The following RETREG3 variants were observed in gnomAD, a reference collection of about 807,000 sequenced individuals.
The protein encoded by RETREG3 is reticulophagy regulator family member 3.
In RETREG3, 23 loss-of-function variants were observed where a neutral mutation model predicts 50.2. The ratio of observed to expected loss-of-function variants is 0.46; its 90% CI spans 0.33 to 0.65. The LOEUF is 0.65. RETREG3 is among the 30% of genes least tolerant of loss of function. The pLI, the probability that RETREG3 is intolerant of heterozygous loss-of-function variation, is 0.02. For synonymous variants in RETREG3, 240 were observed against 234.4 expected (o/e 1.02, Z -0.22); for missense variants, 546 against 598.0 (o/e 0.91, Z 0.91).
rs764971721 is a variant in RETREG3 at position 42,586,185 on chromosome 17, C to T, written c.505-48G>A. On this transcript the variant is annotated intron_variant, in intron 4 of 8. Coordinates refer to ENST00000309428, the MANE Select transcript of RETREG3 (RefSeq NM_178126.4). ...TAAGTTTCTGTCACATGGCAGGGGA[C>T]TGGGGTGGGTGTGAAGGGTTAGGGT... 5.0e-6 allele frequency: 8 copies of T among 1,584,932 alleles called. No individual in the cohort carries two copies. In the African/African-American group the frequency reaches 8.1e-5, roughly 16 times the overall value.
chr17:42,596,832 CTTT>C (rs1229793561), intron 1 of RETREG3, among the ~76,000 whole-genome samples: 1 of 150,420 alleles, frequency 6.6e-6, no homozygotes, highest in African/African-American at 2.4e-5. Flanking sequence ...AACTCTAGTT[CTTT>C]GAGGTGATCT....
At chr17:42,602,438 A>G (rs1445033291) in intron 1 of RETREG3, among the ~76,000 whole-genome samples, 2 of 152,206 alleles carry the variant, frequency 1.3e-5, no homozygotes, top group Non-Finnish European at 2.9e-5. Context: ...TACGACTAAT[A>G]GCCTTATGTA....
intron 3 of RETREG3, 79 bp from the exon 4 acceptor site, chr17:42,586,970 T>G: frequency 6.4e-7 from 1 of 1,573,526 alleles, no homozygotes; most frequent in Non-Finnish European, 8.6e-7. Context: ...AGCCAGTGCT[T>G]CCGGTTTTAA....
In RETREG3 at chr17:42,586,042, G is replaced by A; in HGVS notation, c.589+11C>T. On this transcript the variant is annotated intron_variant, in intron 5 of 8. Coordinates refer to ENST00000309428, the MANE Select transcript of RETREG3 (RefSeq NM_178126.4). ...GGTATACTTTGTAGGGGAGGTATAT[G>A]TCATACTTACGCATCAAGTAGGACA... 1 of 1,613,808 alleles carries A rather than the reference G, an allele frequency of 6.2e-7. No homozygotes were observed. The highest frequency in any genetic ancestry group is 8.5e-7 in the Non-Finnish European group (1 of 1,179,754).
At chr17:42,586,670 T>C in intron 4 of RETREG3, 95 bp downstream of exon 4, 1 of 1,493,654 alleles carries the variant, frequency 6.7e-7, no homozygotes, top group Admixed American at 2.1e-5. Context: ...GTCTTTACTT[T>C]CTTGAATGAA....
At chr17:42,594,728 G>A (rs982431149) in intron 1 of RETREG3, among the ~76,000 whole-genome samples, 1 of 151,574 alleles carries the variant, frequency 6.6e-6, no homozygotes, top group South Asian at 2.1e-4. Flanking sequence ...GCAGGTGCCT[G>A]TAGTCCCAGC....
chr17:42,593,759 A>AT (rs1284253762), intron 1 of RETREG3, among the ~76,000 whole-genome samples: 2 of 151,850 alleles, frequency 1.3e-5, no homozygotes, highest in African/African-American at 4.8e-5. Flanking sequence ...TAAGGTAGTT[A>AT]TTTTTTTCAG....
intron 6 of RETREG3, among the ~76,000 whole-genome samples, 190 bp from the exon 7 acceptor site, chr17:42,583,770 T>C (rs2093115323): frequency 6.6e-6 from 1 of 152,080 alleles, no homozygotes; most frequent in African/African-American, 2.4e-5. Flanking sequence ...CTGGAGAAAA[T>C]ATCTCAGCTT....
At chr17:42,604,883 GT>G (rs2093165017) in intron 1 of RETREG3, among the ~76,000 whole-genome samples, 1 of 151,918 alleles carries the variant, frequency 6.6e-6, no homozygotes. Context: ...TTCTGATCCT[GT>G]CAGGATACAT....
chr17:42,593,457 G>A (rs981927793), intron 1 of RETREG3, among the ~76,000 whole-genome samples: 1 of 151,762 alleles, frequency 6.6e-6, no homozygotes, highest in Non-Finnish European at 1.5e-5. Context: ...AGACCATCCT[G>A]GTTAATATGG....
intron 1 of RETREG3, 97 bp from the exon 2 acceptor site, chr17:42,592,259 T>A (rs558846227): frequency 1.1e-6 from 1 of 938,190 alleles, no homozygotes; most frequent in Non-Finnish European, 1.6e-6. Flanking sequence ...GTAAACAGAC[T>A]TGAGGTCTAG....
At position 42,609,006 on chromosome 17, in the gene RETREG3, C is replaced by G. The variant is rs979775696; in HGVS notation, c.239+80G>C. 1.9e-5 allele frequency: 26 copies of G among 1,401,962 alleles called. 1 individual carries two copies. The highest frequency in any genetic ancestry group is 2.6e-5 in the South Asian group (2 of 77,352). 86.8% of individuals were successfully genotyped at this position (1,401,962 alleles called of 1,614,324 possible). ...GAAGGAGCCAGTGCAGCGAAGAAAACAGGGCAGGCGAGAAGTAGAGCCCTA... is the reference window on the plus strand; with the variant it reads ...GAAGGAGCCAGTGCAGCGAAGAAAAGAGGGCAGGCGAGAAGTAGAGCCCTA... On this transcript the variant is annotated intron_variant, in intron 1 of 8. Coordinates refer to ENST00000309428, the MANE Select transcript of RETREG3 (RefSeq NM_178126.4).
At chr17:42,587,632 T>C in intron 3 of RETREG3, 1 of 585,246 alleles carries the variant, frequency 1.7e-6, no homozygotes, top group Non-Finnish European at 3.0e-6. Context: ...TTTCAGAAAC[T>C]TCTCTTGTAA....
chr17:42,596,073 C>T (rs1292988867), intron 1 of RETREG3, among the ~76,000 whole-genome samples: 1 of 151,602 alleles, frequency 6.6e-6, no homozygotes, highest in African/African-American at 2.4e-5. Context: ...TTATCGTTGC[C>T]GAAAAATGTT....
rs1403798016 is a variant in RETREG3, at chr17:42,581,470, G to A, written c.*343C>T. On this transcript the variant is annotated 3_prime_UTR_variant, in exon 9 of 9. Coordinates refer to ENST00000309428, the MANE Select transcript of RETREG3 (RefSeq NM_178126.4). ...AGGCAGGCATGGGCTCTTTCAGTGA[G>A]GGCCCCTGAGCACTCATACCTAAAA... 2 of 208,668 alleles carry A rather than the reference G, an allele frequency of 9.6e-6. No homozygotes were observed. Among genetic ancestry groups the A allele is most frequent in the Non-Finnish European group, 1.9e-5 (2 of 105,226 alleles). 12.9% of individuals were successfully genotyped at this position (208,668 alleles called of 1,614,324 possible).
chr17:42,598,142 C>T (rs1410606292), intron 1 of RETREG3, among the ~76,000 whole-genome samples: 11 of 151,706 alleles, frequency 7.3e-5, no homozygotes, highest in East Asian at 1.9e-4. Context: ...CCACCACGCC[C>T]GGCTAATTTT....
chr17:42,609,211 C>A lies in RETREG3; in HGVS notation c.114G>T (p.Ala38=), dbSNP rs764003151. The A allele has an allele frequency of 1.9e-6, 3 of 1,608,650 alleles. No homozygotes were observed. Among genetic ancestry groups the A allele is most frequent in the East Asian group, 4.5e-5 (2 of 44,864 alleles). The change falls in exon 1 of 9, where the codon GCG becomes GCT. Residue 38 remains alanine (A), a synonymous_variant. Coordinates refer to ENST00000309428, the MANE Select transcript of RETREG3 (RefSeq NM_178126.4). ...SWERDQQVEA[A]QRALVEVLGP... Reference sequence around the variant, plus strand: ...CCAGCACCTCCACCAGGGCCCGCTGCGCCGCCTCAACCTGCTGGTCCCGCT... The same window carrying A: ...CCAGCACCTCCACCAGGGCCCGCTGAGCCGCCTCAACCTGCTGGTCCCGCT...
At chr17:42,582,835 A>G in intron 7 of RETREG3, 29 bp from the exon 8 acceptor site, 1 of 1,613,686 alleles carries the variant, frequency 6.2e-7, no homozygotes, top group Non-Finnish European at 8.5e-7. Context: ...AATGTGAGAT[A>G]ATGCCATCAG....
intron 2 of RETREG3, among the ~76,000 whole-genome samples, chr17:42,591,224 T>C (rs985916621): frequency 6.6e-6 from 1 of 152,234 alleles, no homozygotes; most frequent in African/African-American, 2.4e-5. Context: ...ATGCTAAGTA[T>C]ACTAATCACA....
Sources: allele counts gnomAD v4.1 joint callset (sites outside exome capture counted in the v4.1 genomes callset), GRCh38; gene constraint gnomAD v4.1.1; transcripts MANE v1.5; gene names NCBI Gene and HGNC (gene_info 2026-07-23, HGNC 2026-07-21).